The following ATR variants were observed in gnomAD, a reference collection of about 807,000 sequenced individuals.
ATR encodes serine/threonine-protein kinase ATR.
A neutral mutation model predicts 305.3 loss-of-function variants in ATR; 142 were observed. The ratio of observed to expected loss-of-function variants is 0.47; its 90% CI spans 0.41 to 0.53. The LOEUF (loss-of-function observed/expected upper bound fraction) is 0.53, where lower values mean the gene tolerates loss of function less well. Among genes scored for constraint, ATR ranks in the 20% least tolerant of loss-of-function variants. The probability of loss-of-function intolerance (pLI) is 0.00; values close to 1 mark genes in which losing one functional copy is unlikely to be tolerated. For synonymous variants in ATR, 1,050 were observed against 1,068.1 expected (o/e 0.98, Z 0.33); for missense variants, 2,135 against 3,133.1 (o/e 0.68, Z 7.60).
At position 142,578,651 on chromosome 3, in the gene ATR, C is replaced by G. The variant is rs2035520094; in HGVS notation, c.54G>C (p.Leu18=). 1 of 1,612,664 alleles carries G rather than the reference C, an allele frequency of 6.2e-7. No homozygotes were observed. The highest frequency in any genetic ancestry group is 8.5e-7 in the Non-Finnish European group (1 of 1,179,526). Reference sequence around the variant, plus strand: ...CAGGCTGGGCCTAGCCCTACCTGCCCAGCTCCCGCAGGGCGGGGATCATGG... The same window carrying G: ...CAGGCTGGGCCTAGCCCTACCTGCCGAGCTCCCGCAGGGCGGGGATCATGG... The part of the protein sequence containing the change: ...LASMIPALRE[L]GSATPEEYNT... Residue 18 remains leucine (L), a synonymous_variant, in exon 1 of 47, where the codon CTG becomes CTC. Coordinates refer to ENST00000350721, the MANE Select transcript of ATR (RefSeq NM_001184.4).
chr3:142,560,488 A>C, intron 5 of ATR, 34 bp from the exon 6 acceptor site: 1 of 1,550,428 alleles, frequency 6.4e-7, no homozygotes, highest in Non-Finnish European at 8.9e-7. Context: ...AGATATTCAT[A>C]TGCAATATAA....
chr3:142,496,336 ATGATGACATT>A lies in ATR; in HGVS notation c.5898+15_5898+24del, dbSNP rs2031642489. 1.9e-6 allele frequency: 1 copy of A among 522,178 alleles called. No individual in the cohort carries two copies. Among genetic ancestry groups the A allele is most frequent in the Non-Finnish European group, 3.1e-6 (1 of 326,926 alleles). 32.3% of individuals were successfully genotyped at this position (522,178 alleles called of 1,614,324 possible). ...TATATATATATATATATATATATAT[ATGATGACATT>A]TCCCTGGCCATTACCTTGGACCAGA... On this transcript the variant is annotated intron_variant, in intron 34 of 46. Transcript: ENST00000350721.
At chr3:142,510,635 G>C (rs1056990246) in intron 27 of ATR, among the ~76,000 whole-genome samples, 2 of 152,052 alleles carry the variant, frequency 1.3e-5, no homozygotes, top group African/African-American at 4.8e-5. Context: ...TGCTTCAACA[G>C]AACAAGAGGG....
At chr3:142,481,057 T>G (rs901669236) in intron 36 of ATR, among the ~76,000 whole-genome samples, 5 of 152,260 alleles carry the variant, frequency 3.3e-5, no homozygotes, top group Admixed American at 1.3e-4. Context: ...TGCCTTGCCC[T>G]GCTTCGGCTC....
At chr3:142,514,490 C>T (rs2032763045) in intron 25 of ATR, among the ~76,000 whole-genome samples, 1 of 151,578 alleles carries the variant, frequency 6.6e-6, no homozygotes, top group Non-Finnish European at 1.5e-5. Context: ...AAAAATTAGC[C>T]GGGCGTGGTG....
At chr3:142,550,433 T>A (rs1264702049) in intron 13 of ATR, 131 bp from the exon 14 acceptor site, 2 of 944,826 alleles carry the variant, frequency 2.1e-6, no homozygotes, top group Admixed American at 2.1e-5. Context: ...TCAATTTTTA[T>A]AACAACCTTA....
intron 40 of ATR, chr3:142,465,848 T>A (rs938690964): frequency 5.9e-6 from 1 of 170,254 alleles, no homozygotes; most frequent in South Asian, 1.4e-4. Flanking sequence ...CTACAAAAAA[T>A]TTAAAAAATT....
At chr3:142,545,938 T>G (rs112145941) in intron 16 of ATR, among the ~76,000 whole-genome samples, 2,736 of 152,182 alleles carry the variant, frequency 0.018, 29 homozygotes, top group South Asian at 0.041. Flanking sequence ...TATTTGGAAT[T>G]GTTTGAGATG....
intron 3 of ATR, among the ~76,000 whole-genome samples, chr3:142,564,578 A>G (rs192038924): frequency 1.6e-3 from 245 of 152,338 alleles, no homozygotes; most frequent in Non-Finnish European, 2.7e-3. Flanking sequence ...TAAATCAGTC[A>G]TAGTCCTGTC....
At chr3:142,480,979 A>G (rs6775583) in intron 36 of ATR, among the ~76,000 whole-genome samples, 96,287 of 152,118 alleles carry the variant, frequency 0.63, 31,484 homozygotes, top group African/African-American at 0.8. Flanking sequence ...TCCAGGTGCC[A>G]TCTGTCACAG....
chr3:142,549,686 G>A lies in ATR; in HGVS notation c.2977-13C>T, dbSNP rs1368602915. The A allele has an allele frequency of 2.5e-6, 4 of 1,611,194 alleles. No individual in the cohort carries two copies. The highest frequency in any genetic ancestry group is 1.7e-5 in the Admixed American group (1 of 59,766). On this transcript the variant is annotated splice_polypyrimidine_tract_variant and intron_variant, in intron 14 of 46. Coordinates refer to ENST00000350721, the MANE Select transcript of ATR (RefSeq NM_001184.4). ...CTTGTAATGTCCTCTGAAAAAGAAT[G>A]CAACAATTACCAAAAAGTACATTTG... is the stretch of plus-strand genomic sequence containing the variant.
chr3:142,489,579 G>A (rs1293473388), intron 35 of ATR, among the ~76,000 whole-genome samples: 1 of 152,058 alleles, frequency 6.6e-6, no homozygotes, highest in African/African-American at 2.4e-5. Context: ...AGTCTTTTAT[G>A]TCCCTCTTCT....
chr3:142,520,850 T>C (rs2033119385), intron 23 of ATR, among the ~76,000 whole-genome samples: 1 of 152,178 alleles, frequency 6.6e-6, no homozygotes, highest in South Asian at 2.1e-4. Context: ...CAGCAAGTTA[T>C]CCAGAAGATC....
chr3:142,509,545 A>ATTT lies in ATR; in HGVS notation c.4853-1439_4853-1437dup, dbSNP rs71629538. 5.1e-4 allele frequency among the ~76,000 whole-genome samples: 38 copies of ATTT among 73,820 alleles called. 3 individuals are homozygous for ATTT. The highest frequency in any genetic ancestry group is 1.4e-3 in the African/African-American group (25 of 18,202). The allele number at this position is 73,820 out of a possible 152,430, so 48.4% of individuals were successfully genotyped here. Reference sequence around the variant, plus strand: ...AATTTGTAGATGATTTCAAATTCTGATTTTTTTTTTTTTTTTTTTTTTTTT... The same window carrying ATTT: ...AATTTGTAGATGATTTCAAATTCTGATTTTTTTTTTTTTTTTTTTTTTTTTTTT... On this transcript the variant is annotated intron_variant, in intron 27 of 46. Transcript: ENST00000350721.
At chr3:142,498,891 T>C in intron 31 of ATR, 117 bp from the exon 32 acceptor site, 2 of 1,020,638 alleles carry the variant, frequency 2.0e-6, no homozygotes, top group Non-Finnish European at 3.0e-6. Context: ...ATTCCTTTTT[T>C]TTTTTTTGAG....
At chr3:142,569,657 G>T (rs1349752391) in intron 1 of ATR, among the ~76,000 whole-genome samples, 5 of 149,704 alleles carry the variant, frequency 3.3e-5, no homozygotes, top group East Asian at 2.0e-4. Context: ...TTGTTTTTTG[G>T]TTTTTTTTGA....
chr3:142,464,292 A>AT (rs879313915), intron 41 of ATR, among the ~76,000 whole-genome samples: 15 of 151,856 alleles, frequency 9.9e-5, no homozygotes, highest in Non-Finnish European at 1.9e-4. Flanking sequence ...TGCCTGGCTA[A>AT]TTTTTTTTAT....
intron 32 of ATR, among the ~76,000 whole-genome samples, chr3:142,497,953 A>G (rs1398550763): frequency 1.3e-5 from 2 of 152,194 alleles, no homozygotes; most frequent in African/African-American, 4.8e-5. Context: ...AGGTACAAGG[A>G]TATAGCTGAG....
Position 142,555,919 on chromosome 3 carries a change from G to T in ATR, c.2299C>A (p.Leu767Ile), listed in dbSNP as rs530165257. ...QLKASVCKPF[L>I]FLLKKKIPSP... ...GGTATTTTTTTTTTCAGTAGGAAAA[G>T]GAATGGCTTGCAGACAGAAGCTTTT... is the stretch of plus-strand genomic sequence containing the variant. The change falls in exon 10 of 47, where the codon CTT becomes ATT. Residue 767 changes from leucine (L) to isoleucine (I), a missense_variant. Transcript: ENST00000350721. 3.7e-6 allele frequency: 6 copies of T among 1,610,896 alleles called. No individual in the cohort carries two copies. The South Asian group carries it at 5.6e-5, about 15-fold the overall frequency.
Sources: gnomAD v4.1 joint callset for allele counts (sites outside exome capture counted in the v4.1 genomes callset) on GRCh38, gnomAD v4.1.1 for gene constraint, MANE v1.5 for transcripts, NCBI Gene and HGNC (gene_info 2026-07-23, HGNC 2026-07-21) for gene names.